Variants in SEZ6L observed in about 807,000 individuals in gnomAD.
SEZ6L encodes the protein seizure related 6 homolog like, also known as seizure 6-like protein.
Under a neutral mutation model 106.2 loss-of-function variants are expected in SEZ6L, and 37 were observed. The observed-to-expected ratio is 0.35, with a 90% CI of 0.27 to 0.46. SEZ6L has a LOEUF of 0.46. SEZ6L is among the 20% of genes least tolerant of loss of function. The pLI is 1.00. For missense variants in SEZ6L, 1,172 were observed against 1,332.8 expected (o/e 0.88, Z 1.88); for synonymous variants, 541 against 570.4 (o/e 0.95, Z 0.73).
chr22:26,300,731 C>T (rs937300751), intron 5 of SEZ6L, among the ~76,000 whole-genome samples: 1 of 152,232 alleles, frequency 6.6e-6, no homozygotes, highest in African/African-American at 2.4e-5. Flanking sequence ...AATCGCCACA[C>T]TGACTTCCAC....
intron 1 of SEZ6L, among the ~76,000 whole-genome samples, chr22:26,227,321 G>T (rs1569398502): frequency 2.0e-5 from 3 of 152,302 alleles, no homozygotes; most frequent in Non-Finnish European, 4.4e-5. Flanking sequence ...TATTCTGAGG[G>T]TCTAATGAGC....
chr22:26,216,656 A>C (rs947733630), intron 1 of SEZ6L, among the ~76,000 whole-genome samples: 1 of 138,140 alleles, frequency 7.2e-6, no homozygotes, highest in East Asian at 2.0e-4. Flanking sequence ...ACTCCATCTC[A>C]AAAAAGAAAA....
chr22:26,273,932 A>T (rs1374882885), intron 1 of SEZ6L, among the ~76,000 whole-genome samples: 1 of 151,944 alleles, frequency 6.6e-6, no homozygotes, highest in Non-Finnish European at 1.5e-5. Context: ...CCTGGCGTGG[A>T]CAGAGTCACC....
chr22:26,360,034 T>C (rs889895246), intron 12 of SEZ6L, among the ~76,000 whole-genome samples: 4 of 152,218 alleles, frequency 2.6e-5, no homozygotes, highest in African/African-American at 9.6e-5. Context: ...TACAGAATGG[T>C]TGTGCAAATA....
chr22:26,295,906 G>A (rs1318680111), intron 3 of SEZ6L, among the ~76,000 whole-genome samples: 1 of 152,174 alleles, frequency 6.6e-6, no homozygotes, highest in Admixed American at 6.5e-5. Context: ...ATCAGGGAAG[G>A]TCTCATAGAG....
chr22:26,294,933 CTCTT>C (rs35822818), intron 3 of SEZ6L, among the ~76,000 whole-genome samples: 3,036 of 71,720 alleles, frequency 0.042, 639 homozygotes, highest in Middle Eastern at 0.096. Context: ...CTTTCTCTTT[CTCTT>C]TCTTTCTTTC....
rs71311560 is a variant in SEZ6L, at chr22:26,324,064, CCACACACACA to C, written c.2015+10191_2015+10200del. ...CTCTAAGACCAAAGCCAGTTTTTAA[CCACACACACA>C]CACACACACACACACACACACACAC... On this transcript the variant is annotated intron_variant, in intron 9 of 16. Transcript: ENST00000248933. Among the ~76,000 whole-genome samples, 1,032 of 140,264 alleles carry C rather than the reference CCACACACACA, an allele frequency of 7.4e-3. 12 individuals are homozygous for C. The highest frequency in any genetic ancestry group is 0.026 in the African/African-American group (969 of 37,272). 92.0% of individuals were successfully genotyped at this position (140,264 alleles called of 152,430 possible).
intron 10 of SEZ6L, among the ~76,000 whole-genome samples, chr22:26,346,733 T>G (rs1458551768): frequency 6.6e-6 from 1 of 152,218 alleles, no homozygotes; most frequent in East Asian, 1.9e-4. Flanking sequence ...CATGGGTCTC[T>G]CTGGAGGGCT....
rs1279459874 is a variant in SEZ6L, at chr22:26,297,055, T to G, written c.1137T>G (p.Leu379=). 6.2e-7 allele frequency: 1 copy of G among 1,613,222 alleles called. No individual in the cohort carries two copies. The highest frequency in any genetic ancestry group is 8.5e-7 in the Non-Finnish European group (1 of 1,179,580). Residue 379 remains leucine (L), a synonymous_variant, in exon 4 of 17, where the codon CTT becomes CTG. Transcript: ENST00000248933. ...TCCGGACCTTCCAGGACGACGGCCT[T>G]GGGACCTTCCAGCTTCACTACCAGG... is the stretch of plus-strand genomic sequence containing the variant. ...VYFRTFQDDG[L]GTFQLHYQAF... is the part of the protein sequence containing the mutation.
intron 15 of SEZ6L, 129 bp downstream of exon 15, chr22:26,375,818 G>T (rs2084205916): frequency 1.6e-6 from 1 of 645,032 alleles, no homozygotes; most frequent in Non-Finnish European, 2.7e-6. Flanking sequence ...TTGTGTTATT[G>T]CAGAGATGCC....
At chr22:26,354,387 G>A (rs952931696) in intron 12 of SEZ6L, among the ~76,000 whole-genome samples, 24 of 152,186 alleles carry the variant, frequency 1.6e-4, no homozygotes, top group African/African-American at 5.8e-4. Flanking sequence ...ACGAAGGAAG[G>A]ACCCCCCCCA....
chr22:26,342,726 A>T (rs1439302305), intron 10 of SEZ6L, among the ~76,000 whole-genome samples: 2 of 152,180 alleles, frequency 1.3e-5, no homozygotes, highest in Non-Finnish European at 2.9e-5. Context: ...AGAATTGTCC[A>T]TCTCTAACTA....
At chr22:26,347,199 AATGATGATGATG>A (rs3071639) in intron 10 of SEZ6L, among the ~76,000 whole-genome samples, 1 of 149,728 alleles carries the variant, frequency 6.7e-6, no homozygotes, top group Non-Finnish European at 1.5e-5. Context: ...CTGTAAAAAT[AATGATGATGATG>A]ATGATGATGA....
At chr22:26,267,894 T>G (rs2080240907) in intron 1 of SEZ6L, among the ~76,000 whole-genome samples, 1 of 152,174 alleles carries the variant, frequency 6.6e-6, no homozygotes, top group Non-Finnish European at 1.5e-5. Context: ...AGTCAGGATG[T>G]GCTGAAGACC....
chr22:26,365,908 GC>G (rs2083794397), intron 13 of SEZ6L, among the ~76,000 whole-genome samples: 1 of 151,898 alleles, frequency 6.6e-6, no homozygotes, highest in Non-Finnish European at 1.5e-5. Context: ...ATAGAGCTGA[GC>G]TGCTGTACTT....
chr22:26,220,380 C>T (rs2078429136), intron 1 of SEZ6L, among the ~76,000 whole-genome samples: 1 of 152,150 alleles, frequency 6.6e-6, no homozygotes, highest in Admixed American at 6.5e-5. Flanking sequence ...GCCATTGACC[C>T]TCTCCTCCTC....
At chr22:26,330,848 T>G (rs2082457879) in intron 9 of SEZ6L, among the ~76,000 whole-genome samples, 1 of 152,214 alleles carries the variant, frequency 6.6e-6, no homozygotes, top group African/African-American at 2.4e-5. Flanking sequence ...AAACCATATA[T>G]TTATATATTT....
At position 26,383,293 on chromosome 22, in the gene SEZ6L, G is replaced by C. The variant is rs2084468034; in HGVS notation, c.*2998G>C. ...AATCAGGAGGGTTGTATAACAAGTA[G>C]TGATTTGGCAAATATGTGGGTAGCT... On this transcript the variant is annotated 3_prime_UTR_variant, in exon 17 of 17. Transcript: ENST00000248933. 1 of 152,066 alleles carries C rather than the reference G, an allele frequency of 6.6e-6. No homozygotes were observed. The allele number at this position is 152,066 out of a possible 1,614,324, so 9.4% of individuals were successfully genotyped here. A position where few individuals can be genotyped will look rare whatever the true frequency, so the allele number is the denominator to read the frequency against.
At chr22:26,355,556 C>T (rs903441394) in intron 12 of SEZ6L, among the ~76,000 whole-genome samples, 9 of 152,232 alleles carry the variant, frequency 5.9e-5, no homozygotes, top group Admixed American at 2.6e-4. Flanking sequence ...TGGTGAAACC[C>T]CCGTCTCTAC....
Sources: allele counts gnomAD v4.1 joint callset (sites outside exome capture counted in the v4.1 genomes callset), GRCh38; gene constraint gnomAD v4.1.1; transcripts MANE v1.5; gene names NCBI Gene and HGNC (gene_info 2026-07-23, HGNC 2026-07-21).